LRRC4C: variants seen among roughly 807,000 people sequenced by gnomAD.
The protein encoded by LRRC4C is leucine rich repeat containing 4C, also known as leucine-rich repeat-containing protein 4C.
A neutral mutation model predicts 33.6 loss-of-function variants in LRRC4C; 5 were observed. The observed-to-expected ratio is 0.15, with a 90% CI of 0.08 to 0.31. LRRC4C has a LOEUF of 0.31. Among genes scored for constraint, LRRC4C ranks in the 10% least tolerant of loss-of-function variants. LRRC4C has a pLI of 1.00. For missense variants in LRRC4C, 560 were observed against 796.7 expected (o/e 0.70, Z 3.58); for synonymous variants, 329 against 302.0 (o/e 1.09, Z -0.93).
At chr11:41,275,182 TG>T (rs1471127810) in intron 1 of LRRC4C, among the ~76,000 whole-genome samples, 2 of 152,144 alleles carry the variant, frequency 1.3e-5, no homozygotes, top group Non-Finnish European at 2.9e-5. Context: ...CAGGCACTGG[TG>T]CCATGCCTGT....
intron 4 of LRRC4C, among the ~76,000 whole-genome samples, chr11:40,313,805 G>A (rs1262702445): frequency 6.6e-6 from 1 of 151,274 alleles, no homozygotes; most frequent in East Asian, 2.0e-4. Context: ...TAGTAGAGAC[G>A]AAGTTTCATC....
At chr11:40,945,788 A>G (rs1958369775) in intron 1 of LRRC4C, among the ~76,000 whole-genome samples, 1 of 152,144 alleles carries the variant, frequency 6.6e-6, no homozygotes, top group Non-Finnish European at 1.5e-5. Flanking sequence ...ACAGTTATCA[A>G]ACAGTACAAA....
At position 41,220,533 on chromosome 11, in the gene LRRC4C, T is replaced by TACACACAC. The variant is rs3067232; in HGVS notation, c.-496+238890_-496+238897dup. Among the ~76,000 whole-genome samples the TACACACAC allele has an allele frequency of 6.7e-4, 96 of 144,340 alleles. 1 individual carries two copies. Among genetic ancestry groups the TACACACAC allele is most frequent in the South Asian group, 2.9e-3 (13 of 4,490 alleles). 94.7% of individuals were successfully genotyped at this position (144,340 alleles called of 152,430 possible). ...TCCTCCAATATTAAACACACAGACA[T>TACACACAC]ACACACACACACACACACACACACA... On this transcript the variant is annotated intron_variant, in intron 1 of 6. Coordinates refer to ENST00000528697, the MANE Select transcript of LRRC4C (RefSeq NM_001258419.2).
chr11:41,420,399 AAG>A (rs1208690575), intron 1 of LRRC4C, among the ~76,000 whole-genome samples: 1 of 152,000 alleles, frequency 6.6e-6, no homozygotes, highest in East Asian at 1.9e-4. Flanking sequence ...AAGGCTTTTA[AAG>A]AAGAAGGTCT....
chr11:40,289,012 A>T (rs780449681), intron 4 of LRRC4C, among the ~76,000 whole-genome samples: 3 of 152,102 alleles, frequency 2.0e-5, no homozygotes, highest in African/African-American at 4.8e-5. Flanking sequence ...TTTTGCTGAG[A>T]TTTATTTTTC....
At chr11:40,325,457 C>A (rs1203924301) in intron 3 of LRRC4C, among the ~76,000 whole-genome samples, 1 of 151,922 alleles carries the variant, frequency 6.6e-6, no homozygotes, top group Non-Finnish European at 1.5e-5. Flanking sequence ...TATAGCGAGG[C>A]CCCATCTCTA....
chr11:41,408,039 A>G (rs891866197), intron 1 of LRRC4C, among the ~76,000 whole-genome samples: 4 of 152,184 alleles, frequency 2.6e-5, no homozygotes, highest in Admixed American at 6.5e-5. Flanking sequence ...ATGTTAGGCC[A>G]TACACTTGTC....
chr11:40,217,192 C>A (rs1864040860), intron 5 of LRRC4C, among the ~76,000 whole-genome samples: 1 of 152,050 alleles, frequency 6.6e-6, no homozygotes, highest in Admixed American at 6.6e-5. Flanking sequence ...AGTGCTTACT[C>A]TGTTCTAAGC....
intron 1 of LRRC4C, among the ~76,000 whole-genome samples, chr11:41,271,295 C>T (rs961146032): frequency 2.6e-5 from 4 of 152,078 alleles, no homozygotes; most frequent in South Asian, 2.1e-4. Context: ...CAAAGGCTTT[C>T]GACTGTAGAG....
intron 3 of LRRC4C, among the ~76,000 whole-genome samples, chr11:40,365,567 C>G (rs931111518): frequency 4.0e-5 from 6 of 151,682 alleles, no homozygotes; most frequent in African/African-American, 1.5e-4. Context: ...TTTGGGGGGG[C>G]CCGAGAGGAG....
chr11:40,200,727 C>T (rs762157828), intron 5 of LRRC4C, among the ~76,000 whole-genome samples: 3 of 138,970 alleles, frequency 2.2e-5, no homozygotes, highest in Non-Finnish European at 3.0e-5. Context: ...GGTCATGCCA[C>T]TGCACCCCAG....
At chr11:40,568,118 A>C (rs1432712465) in intron 3 of LRRC4C, among the ~76,000 whole-genome samples, 1 of 152,212 alleles carries the variant, frequency 6.6e-6, no homozygotes, top group Non-Finnish European at 1.5e-5. Context: ...AAGTGATGGA[A>C]TGTCACTTTT....
intron 2 of LRRC4C, among the ~76,000 whole-genome samples, chr11:40,685,264 C>T (rs749384258): frequency 7.2e-5 from 11 of 151,980 alleles, no homozygotes; most frequent in Non-Finnish European, 1.3e-4. Flanking sequence ...AAATTTCTTT[C>T]TATGTTATGT....
intron 6 of LRRC4C, among the ~76,000 whole-genome samples, chr11:40,137,450 T>C (rs1857059639): frequency 6.6e-6 from 1 of 152,178 alleles, no homozygotes; most frequent in Non-Finnish European, 1.5e-5. Flanking sequence ...AATTGAGAAT[T>C]ACATTTCCAC....
intron 3 of LRRC4C, among the ~76,000 whole-genome samples, chr11:40,494,214 A>G (rs770268010): frequency 1.2e-4 from 18 of 152,142 alleles, no homozygotes; most frequent in Non-Finnish European, 2.2e-4. Flanking sequence ...TTCTCTAAGC[A>G]TTGCAAAATT....
At chr11:40,915,520 C>T (rs982790530) in intron 2 of LRRC4C, among the ~76,000 whole-genome samples, 5 of 152,296 alleles carry the variant, frequency 3.3e-5, no homozygotes, top group African/African-American at 7.2e-5. Flanking sequence ...TGGATCCCTT[C>T]CTTACACCTT....
At chr11:40,638,731 A>C in intron 3 of LRRC4C, among the ~76,000 whole-genome samples, 1 of 151,658 alleles carries the variant, frequency 6.6e-6, no homozygotes, top group East Asian at 1.9e-4. Flanking sequence ...GGTCTAATCC[A>C]TAGAAGGTCC....
chr11:40,614,080 C>G (rs1440617494), intron 3 of LRRC4C, among the ~76,000 whole-genome samples: 2 of 151,762 alleles, frequency 1.3e-5, no homozygotes, highest in Non-Finnish European at 2.9e-5. Context: ...AAGTCACCAG[C>G]TATGTTAGCC....
chr11:41,038,292 C>T (rs1229463629), intron 1 of LRRC4C, among the ~76,000 whole-genome samples: 1 of 152,144 alleles, frequency 6.6e-6, no homozygotes, highest in East Asian at 1.9e-4. Context: ...CATCTAAAAA[C>T]CAGCTTTAAT....
Sources: allele counts gnomAD v4.1 joint callset (sites outside exome capture counted in the v4.1 genomes callset), GRCh38; gene constraint gnomAD v4.1.1; transcripts MANE v1.5; gene names NCBI Gene and HGNC (gene_info 2026-07-23, HGNC 2026-07-21).